The following PLXND1 variants were observed in gnomAD, a reference collection of about 807,000 sequenced individuals.
PLXND1 encodes plexin-D1.
PLXND1 carries 54 observed loss-of-function variants against 197.7 expected under a neutral mutation model. The observed-to-expected ratio is 0.27, with a 90% CI of 0.22 to 0.34. The LOEUF is 0.34. Ranked by LOEUF, PLXND1 falls within the 10% of genes least tolerant of loss-of-function variation. The pLI is 1.00. For missense variants in PLXND1, 2,127 were observed against 2,699.2 expected (o/e 0.79, Z 4.70); for synonymous variants, 1,180 against 1,161.2 (o/e 1.02, Z -0.33).
At chr3:129,568,798 C>T (rs2085179283) in intron 20 of PLXND1, among the ~76,000 whole-genome samples, 1 of 152,244 alleles carries the variant, frequency 6.6e-6, no homozygotes. Context: ...AGCCACCCAC[C>T]TTGGCCTCCC....
At chr3:129,588,850 C>T (rs2085497214) in intron 2 of PLXND1, among the ~76,000 whole-genome samples, 1 of 152,198 alleles carries the variant, frequency 6.6e-6, no homozygotes, top group Admixed American at 6.5e-5. Context: ...GGCTGGGGTA[C>T]AGTTAACTCT....
Position 129,572,628 on chromosome 3 carries a change from C to G in PLXND1, c.3058G>C (p.Asp1020His). 1 of 1,582,674 alleles carries G rather than the reference C, an allele frequency of 6.3e-7. No homozygotes were observed. Among genetic ancestry groups the G allele is most frequent in the Non-Finnish European group, 8.6e-7 (1 of 1,164,458 alleles). The stretch of plus-strand genomic sequence containing the variant: ...GCTTACATCAGCTCCGTGCAGGGGT[C>G]TGTGTCGTTCACCAGGACCTGGAGC... ...SELQVLVNDT[D>H]PCTELMRTDT... is the part of the protein sequence containing the mutation. Residue 1020 changes from aspartate to histidine, a missense_variant, in exon 15 of 36, where the codon GAC becomes CAC. By Grantham distance (81) the Asp-to-His change is moderately conservative. Coordinates refer to ENST00000324093, the MANE Select transcript of PLXND1 (RefSeq NM_015103.3).
Position 129,569,849 on chromosome 3 carries a change from C to T in PLXND1, c.3859G>A (p.Val1287Met), listed in dbSNP as rs772112447. The T allele has an allele frequency of 1.2e-5, 19 of 1,590,082 alleles. No homozygotes were observed. Among genetic ancestry groups the T allele is most frequent in the Admixed American group, 3.3e-5 (2 of 59,970 alleles). The change falls in exon 20 of 36, where the codon GTG becomes ATG. Residue 1287 changes from valine (V) to methionine (M), a missense_variant. This residue lies in a region of PLXND1 where 532 missense variants were observed against 811.0 expected (regional missense o/e 0.66). Transcript: ENST00000324093. The stretch of plus-strand genomic sequence containing the variant: ...TGAGGGTGGGGCTCCTTACCCACCA[C>T]GGAGAGCAGCAGCAGGACGCTGCAG... ...VICSVLLLLS[V>M]VALFVFCTKS...
At chr3:129,605,261 T>TGGCC in intron 1 of PLXND1, 68 bp downstream of exon 1, 49 of 493,804 alleles carry the variant, frequency 9.9e-5, no homozygotes, top group Middle Eastern at 6.0e-4. Context: ...CCCGCTCGGT[T>TGGCC]CCCGCCCGCC....
Position 129,591,524 on chromosome 3 carries a change from G to A in PLXND1, c.1312-1997C>T, listed in dbSNP as rs78287989. On this transcript the variant is annotated intron_variant, in intron 1 of 35. Transcript: ENST00000324093. ...GCGGGGGACCACCAGGTTGCCTAAGGAGGGGTGAACTGGCCCAGGTCGGAA... is the reference window on the plus strand; with the variant it reads ...GCGGGGGACCACCAGGTTGCCTAAGAAGGGGTGAACTGGCCCAGGTCGGAA... 4.6e-3 allele frequency: 702 copies of A among 152,456 alleles called. 11 individuals carry two copies. The highest frequency in any genetic ancestry group is 0.034 in the East Asian group (178 of 5,180). 9.4% of individuals were successfully genotyped at this position (152,456 alleles called of 1,614,324 possible).
At chr3:129,576,864 A>G (rs540166089) in intron 9 of PLXND1, among the ~76,000 whole-genome samples, 1 of 152,314 alleles carries the variant, frequency 6.6e-6, no homozygotes, top group South Asian at 2.1e-4. Context: ...TCAGTTCCCC[A>G]GGCTCATCTG....
rs1237585509 is a variant in PLXND1, at chr3:129,557,445, G to GT, written c.5446-223dup. On this transcript the variant is annotated intron_variant, in intron 33 of 35. Transcript: ENST00000324093. This position sits in a 1 kb window ranked among gnomAD's most constrained non-coding sequence, Gnocchi z 4.8. ...TGCCCCGCCTACTTTCCCCAGGACT[G>GT]TTAGGACAATGATGTGGGTGGGGAG... Among the ~76,000 whole-genome samples the GT allele has an allele frequency of 1.3e-4, 19 of 151,390 alleles. No individual in the cohort carries two copies. Among genetic ancestry groups the GT allele is most frequent in the Admixed American group, 1.2e-3 (19 of 15,232 alleles).
rs567119174 is a variant in PLXND1 at position 129,577,012 on chromosome 3, G to A, written c.2347-1157C>T. On this transcript the variant is annotated intron_variant, in intron 9 of 35. Transcript: ENST00000324093. This position sits in a 1 kb window ranked among gnomAD's most constrained non-coding sequence, Gnocchi z 5.0. Reference sequence around the variant, plus strand: ...GTGGCTGGCAGATGTGACACCCTGAGGAGAATGCAGGTCAACCTCCCTGCT... The same window carrying A: ...GTGGCTGGCAGATGTGACACCCTGAAGAGAATGCAGGTCAACCTCCCTGCT... Among the ~76,000 whole-genome samples the A allele has an allele frequency of 7.9e-5, 12 of 152,270 alleles. No individual in the cohort carries two copies. Among genetic ancestry groups the A allele is most frequent in the South Asian group, 2.1e-4 (1 of 4,822 alleles).
At chr3:129,561,493 T>C (rs1222012612) in intron 29 of PLXND1, among the ~76,000 whole-genome samples, 153 bp downstream of exon 29, 5 of 152,032 alleles carry the variant, frequency 3.3e-5, no homozygotes, top group Non-Finnish European at 7.4e-5. Flanking sequence ...CAGTACTGGG[T>C]CAGAGGAGGC....
At chr3:129,563,021 C>T in intron 26 of PLXND1, 73 bp downstream of exon 26, 5 of 1,610,570 alleles carry the variant, frequency 3.1e-6, no homozygotes, top group Non-Finnish European at 2.5e-6. Flanking sequence ...CAAGGCCCTG[C>T]AGAGGAAGGC....
At chr3:129,605,228 C>T (rs1419658265) in intron 1 of PLXND1, 101 bp downstream of exon 1, 9 of 528,548 alleles carry the variant, frequency 1.7e-5, no homozygotes, top group Non-Finnish European at 2.3e-5. Flanking sequence ...CGCGCTCCCA[C>T]CTGTGACCCA....
chr3:129,566,672 C>A (rs749783116), intron 22 of PLXND1, 41 bp from the exon 23 acceptor site: 4 of 1,260,462 alleles, frequency 3.2e-6, no homozygotes, highest in South Asian at 2.6e-5. Context: ...GGGCTGGACA[C>A]CCCCTGCTGG....
At chr3:129,567,310 T>C (rs917713801) in intron 22 of PLXND1, among the ~76,000 whole-genome samples, 182 bp downstream of exon 22, 21 of 152,214 alleles carry the variant, frequency 1.4e-4, no homozygotes, top group African/African-American at 5.1e-4. Flanking sequence ...AGAATGACAG[T>C]GGAGAATCTG....
At chr3:129,560,303 C>A (rs1229692857) in intron 31 of PLXND1, 27 bp downstream of exon 31, 6 of 1,432,234 alleles carry the variant, frequency 4.2e-6, no homozygotes, top group Non-Finnish European at 5.9e-6. Flanking sequence ...ACCCACTGCA[C>A]AGAGGGGAGA....
chr3:129,601,826 C>A (rs2085712593), intron 1 of PLXND1, among the ~76,000 whole-genome samples: 2 of 152,222 alleles, frequency 1.3e-5, no homozygotes, highest in African/African-American at 4.8e-5. Context: ...ACCTGCCACC[C>A]TCCAAGCCCT....
chr3:129,578,303 C>G (rs746034112), intron 9 of PLXND1, 26 bp downstream of exon 9: 20 of 1,476,974 alleles, frequency 1.4e-5, no homozygotes, highest in Non-Finnish European at 1.7e-5. Flanking sequence ...CTGGCCCCAC[C>G]CGGCGCTGGC....
rs2085133043 is a variant in PLXND1, at chr3:129,565,908, T to C, written c.4301A>G (p.Lys1434Arg). The C allele has an allele frequency of 1.2e-6, 2 of 1,614,078 alleles. No individual in the cohort carries two copies. Among genetic ancestry groups the C allele is most frequent in the Non-Finnish European group, 1.7e-6 (2 of 1,180,016 alleles). ...TGACCTGTCGCGCACCGCAAAGTCC[T>C]TCTGCTGCTCCAGCGCGTGGACAAA... ...IVFVHALEQQ[K>R]DFAVRDRCSL... The change falls in exon 24 of 36, where the codon AAG (lysine) becomes AGG (arginine). Residue 1434 changes from lysine to arginine, a missense_variant. Physicochemically the swap from Lys to Arg is conservative, Grantham distance 26. This residue lies in a region of PLXND1 where 532 missense variants were observed against 811.0 expected (regional missense o/e 0.66). Transcript: ENST00000324093.
intron 1 of PLXND1, among the ~76,000 whole-genome samples, 174 bp downstream of exon 1, chr3:129,605,155 C>T (rs2085765053): frequency 6.6e-6 from 1 of 152,182 alleles, no homozygotes; most frequent in East Asian, 1.9e-4. Flanking sequence ...GCCAGTAGTA[C>T]CCCTCGGGGG....
chr3:129,556,395 G>A lies in PLXND1; in HGVS notation c.5695C>T (p.Arg1899Trp), dbSNP rs768565508. Residue 1899 changes from arginine (R) to tryptophan (W), a missense_variant, in exon 36 of 36, where the codon CGG (arginine) becomes TGG (tryptophan). This residue lies in a region of PLXND1 where 200 missense variants were observed against 303.3 expected (regional missense o/e 0.66). Transcript: ENST00000324093. ...MAALEANPTA[R>W]RTQLQHKFEQ... Reference sequence around the variant, plus strand: ...AACTTGTGCTGCAGTTGTGTCCTCCGGGCCGTGGGGTTGGCCTCCAGCGCG... The same window carrying A: ...AACTTGTGCTGCAGTTGTGTCCTCCAGGCCGTGGGGTTGGCCTCCAGCGCG... 1.1e-5 allele frequency: 17 copies of A among 1,614,038 alleles called. No individual in the cohort carries two copies. Among genetic ancestry groups the A allele is most frequent in the East Asian group, 6.7e-5 (3 of 44,890 alleles).
Sources: gnomAD v4.1 joint callset for allele counts (sites outside exome capture counted in the v4.1 genomes callset) on GRCh38, gnomAD v4.1.1 for gene constraint, gnomAD v4.1.1 regional missense constraint, Gnocchi (gnomAD v3.1) non-coding constraint, MANE v1.5 for transcripts, NCBI Gene and HGNC (gene_info 2026-07-23, HGNC 2026-07-21) for gene names.